CRTC1: variants seen among roughly 807,000 people sequenced by gnomAD.
CRTC1 encodes CREB regulated transcription coactivator 1.
In CRTC1, 18 loss-of-function variants were observed where a neutral mutation model predicts 66.1. The ratio of observed to expected loss-of-function variants is 0.27; its 90% confidence interval spans 0.19 to 0.40. The LOEUF is 0.40. Among genes scored for constraint, CRTC1 ranks in the 10% least tolerant of loss-of-function variants. The pLI is 1.00. For missense variants in CRTC1, 669 were observed against 887.9 expected (o/e 0.75, Z 3.13); for synonymous variants, 416 against 398.8 (o/e 1.04, Z -0.51).
chr19:18,747,129 A>AACCCCC lies in CRTC1; in HGVS notation c.443+15_443+16insACCCCC, dbSNP rs2054259504. 4 of 1,109,956 alleles carry AACCCCC rather than the reference A, an allele frequency of 3.6e-6. No individual in the cohort carries two copies. The highest frequency in any genetic ancestry group is 1.4e-5 in the South Asian group (1 of 69,406). 68.8% of individuals were successfully genotyped at this position (1,109,956 alleles called of 1,614,324 possible). The stretch of plus-strand genomic sequence containing the variant: ...AGCTGGAGAAGGTCAGTGGCTGGAC[A>AACCCCC]CCCCCCCCCCGCCCCCTTCTTGTTG... On this transcript the variant is annotated intron_variant, in intron 4 of 13. Coordinates refer to ENST00000321949, the MANE Select transcript of CRTC1 (RefSeq NM_015321.3).
intron 13 of CRTC1, among the ~76,000 whole-genome samples, chr19:18,776,293 C>T (rs1323552418): frequency 2.0e-5 from 3 of 152,218 alleles, no homozygotes; most frequent in Admixed American, 6.5e-5. Context: ...AGTCTGAGCA[C>T]GGCGCCTGGG....
chr19:18,753,554 A>C lies in CRTC1; in HGVS notation c.593A>C (p.Asn198Thr), dbSNP rs1371417549. The stretch of plus-strand genomic sequence containing the variant: ...GAGACCACATCAGAGGCAGACAAAA[A>C]CCTTTCCAAGCAAGCATGGGACACC... ...MEETTSEADK[N>T]LSKQAWDTKK... Residue 198 changes from asparagine to threonine, a missense_variant, in exon 6 of 14, where the codon AAC becomes ACC. Transcript: ENST00000321949. The C allele has an allele frequency of 6.2e-7, 1 of 1,613,134 alleles. No individual in the cohort carries two copies. The highest frequency in any genetic ancestry group is 8.5e-7 in the Non-Finnish European group (1 of 1,179,550).
intron 1 of CRTC1, among the ~76,000 whole-genome samples, chr19:18,732,034 C>T (rs911108782): frequency 2.0e-5 from 3 of 152,224 alleles, no homozygotes; most frequent in Non-Finnish European, 4.4e-5. Context: ...CTGGGCTGCC[C>T]AGTTTCAGAT....
chr19:18,745,475 T>G (rs2054210826), intron 2 of CRTC1, among the ~76,000 whole-genome samples: 1 of 152,100 alleles, frequency 6.6e-6, no homozygotes, highest in African/African-American at 2.4e-5. Flanking sequence ...CTGCACCTGG[T>G]GAGACTGGGG....
At chr19:18,689,570 T>TAA (rs2052776411) in intron 1 of CRTC1, among the ~76,000 whole-genome samples, 1 of 65,568 alleles carries the variant, frequency 1.5e-5, no homozygotes, top group Non-Finnish European at 2.7e-5. Context: ...TGGCCATATA[T>TAA]ATATATATAT....
intron 9 of CRTC1, among the ~76,000 whole-genome samples, chr19:18,766,139 T>TA (rs2054729646): frequency 1.3e-5 from 2 of 151,730 alleles, no homozygotes; most frequent in South Asian, 4.2e-4. Context: ...TTTTTTTTTT[T>TA]AAGACGAAGT....
chr19:18,725,728 C>T (rs2145649567), intron 1 of CRTC1, among the ~76,000 whole-genome samples: 1 of 152,332 alleles, frequency 6.6e-6, no homozygotes, highest in African/African-American at 2.4e-5. Context: ...TCTTCTGAGT[C>T]TAATTCTGTC....
At chr19:18,722,578 A>C (rs1282727309) in intron 1 of CRTC1, among the ~76,000 whole-genome samples, 1 of 152,230 alleles carries the variant, frequency 6.6e-6, no homozygotes, top group Non-Finnish European at 1.5e-5. Flanking sequence ...GCCACAAGCC[A>C]AGGAGGCCAA....
intron 1 of CRTC1, among the ~76,000 whole-genome samples, chr19:18,740,527 G>T (rs904208858): frequency 6.6e-6 from 1 of 152,162 alleles, no homozygotes; most frequent in African/African-American, 2.4e-5. Context: ...ACCACAGTGT[G>T]AGCAGACTCT....
At chr19:18,775,136 G>A (rs895143608) in intron 12 of CRTC1, 150 bp downstream of exon 12, 21 of 772,700 alleles carry the variant, frequency 2.7e-5, no homozygotes, top group Middle Eastern at 3.7e-4. Context: ...CCCCCGCCCC[G>A]TCCCATCTGC....
chr19:18,743,214 C>G (rs1018051676), intron 2 of CRTC1, among the ~76,000 whole-genome samples, 188 bp downstream of exon 2: 1 of 152,240 alleles, frequency 6.6e-6, no homozygotes, highest in Non-Finnish European at 1.5e-5. Flanking sequence ...CCCCCGCAGC[C>G]CATTCCCCAT....
rs557950527 is a variant in CRTC1 at position 18,775,147 on chromosome 19, G to A, written c.1512+161G>A. 1.8e-4 allele frequency among the ~76,000 whole-genome samples: 27 copies of A among 152,360 alleles called. No individual in the cohort carries two copies. In the East Asian group the frequency reaches 4.8e-3, roughly 27 times the overall value. On this transcript the variant is annotated intron_variant, in intron 12 of 13. Transcript: ENST00000321949. ...TCGGCCCCCGCCCCGTCCCATCTGC[G>A]GGCTATGGAGGCTGAGTCCCCGGCA... is the stretch of plus-strand genomic sequence containing the variant.
intron 6 of CRTC1, 28 bp downstream of exon 6, chr19:18,753,613 T>C: frequency 6.5e-7 from 1 of 1,538,052 alleles, no homozygotes; most frequent in Non-Finnish European, 8.9e-7. Context: ...TTCAAAAACT[T>C]TTTTTCTTCT....
At position 18,777,018 on chromosome 19, in the gene CRTC1, C is replaced by T. The variant is rs556319263; in HGVS notation, c.1694-153C>T. Among the ~76,000 whole-genome samples the T allele has an allele frequency of 1.1e-4, 16 of 152,296 alleles. No individual in the cohort carries two copies. Among genetic ancestry groups the T allele is most frequent in the African/African-American group, 3.9e-4 (16 of 41,554 alleles). On this transcript the variant is annotated intron_variant, in intron 13 of 13. Transcript: ENST00000321949. The surrounding 1 kb of genome is among the most constrained non-coding windows in gnomAD (Gnocchi z 5.5). ...GCTGAGCAGCATCTCATGTGCTGGC[C>T]CCTCCCCCAGTCATGACAGCTGGAA...
intron 1 of CRTC1, among the ~76,000 whole-genome samples, chr19:18,742,232 CT>C (rs1174373767): frequency 6.6e-6 from 1 of 152,182 alleles, no homozygotes; most frequent in Non-Finnish European, 1.5e-5. Flanking sequence ...CTCCTGGCCC[CT>C]GGTTCTGTGC....
chr19:18,733,757 G>C (rs1395452070), intron 1 of CRTC1, among the ~76,000 whole-genome samples: 1 of 152,250 alleles, frequency 6.6e-6, no homozygotes, highest in Non-Finnish European at 1.5e-5. Context: ...TTGACAGCCA[G>C]AATGAACTCA....
intron 1 of CRTC1, among the ~76,000 whole-genome samples, chr19:18,706,849 C>T (rs1483623103): frequency 6.6e-6 from 1 of 152,034 alleles, no homozygotes; most frequent in Non-Finnish European, 1.5e-5. Flanking sequence ...CTTTTTAGTA[C>T]ATTCACATTT....
At chr19:18,686,931 C>A (rs932486906) in intron 1 of CRTC1, among the ~76,000 whole-genome samples, 1 of 151,948 alleles carries the variant, frequency 6.6e-6, no homozygotes, top group Non-Finnish European at 1.5e-5. Context: ...GCTGCCCAAC[C>A]CCCTACATGT....
At chr19:18,729,746 GAATAAT>G (rs576881054) in intron 1 of CRTC1, among the ~76,000 whole-genome samples, 2 of 151,720 alleles carry the variant, frequency 1.3e-5, no homozygotes, top group East Asian at 1.9e-4. Flanking sequence ...ATCTTTAAAA[GAATAAT>G]AATAATAATA....
Sources: gnomAD v4.1 joint callset for allele counts (sites outside exome capture counted in the v4.1 genomes callset) on GRCh38, gnomAD v4.1.1 for gene constraint, Gnocchi (gnomAD v3.1) non-coding constraint, MANE v1.5 for transcripts, NCBI Gene and HGNC (gene_info 2026-07-23, HGNC 2026-07-21) for gene names.